CTNNA2: variants seen among roughly 807,000 people sequenced by gnomAD.
CTNNA2 encodes the protein catenin alpha 2.
A neutral mutation model predicts 101.0 loss-of-function variants in CTNNA2; 42 were observed. The ratio of observed to expected loss-of-function variants is 0.42; its 90% CI spans 0.32 to 0.54. CTNNA2 has a LOEUF of 0.54. CTNNA2 is among the 20% of genes least tolerant of loss of function. CTNNA2 has a pLI of 0.14. For synonymous variants in CTNNA2, 450 were observed against 456.4 expected (o/e 0.99, Z 0.18); for missense variants, 871 against 1,223.1 (o/e 0.71, Z 4.29).
chr2:79,956,781 A>G (rs1027376688), intron 7 of CTNNA2, among the ~76,000 whole-genome samples: 2 of 150,216 alleles, frequency 1.3e-5, no homozygotes, highest in Middle Eastern at 3.5e-3. Context: ...GAGTAATACA[A>G]TGTCTTATCC....
At chr2:79,725,988 C>A (rs566571588) in intron 2 of CTNNA2, among the ~76,000 whole-genome samples, 13 of 152,298 alleles carry the variant, frequency 8.5e-5, no homozygotes, top group African/African-American at 3.1e-4. Context: ...TGTCCAAATA[C>A]AGGGTGTGAG....
chr2:80,384,277 T>A (rs1489626644), intron 7 of CTNNA2, among the ~76,000 whole-genome samples: 1 of 152,102 alleles, frequency 6.6e-6, no homozygotes, highest in East Asian at 1.9e-4. Context: ...TCACAAAATA[T>A]CTGCACTGTT....
chr2:79,460,516 C>T (rs1487875167), intron 4 of CTNNA2, among the ~76,000 whole-genome samples: 1 of 152,168 alleles, frequency 6.6e-6, no homozygotes, highest in Non-Finnish European at 1.5e-5. Context: ...TAAAAATGTT[C>T]TCACTCTCTA....
chr2:79,435,323 C>T (rs2104513582), intron 4 of CTNNA2, among the ~76,000 whole-genome samples: 1 of 152,248 alleles, frequency 6.6e-6, no homozygotes, highest in African/African-American at 2.4e-5. Context: ...GTTCAGAGTG[C>T]AGAGCGTGCA....
At chr2:80,185,461 C>G (rs1706059907) in intron 7 of CTNNA2, among the ~76,000 whole-genome samples, 1 of 152,126 alleles carries the variant, frequency 6.6e-6, no homozygotes, top group African/African-American at 2.4e-5. Context: ...TGCAAAAAAG[C>G]ATGAATACCA....
intron 7 of CTNNA2, among the ~76,000 whole-genome samples, chr2:80,084,554 A>G (rs1237287502): frequency 6.6e-6 from 1 of 152,096 alleles, no homozygotes; most frequent in African/African-American, 2.4e-5. Context: ...TGTCAAAGAA[A>G]ACTTCGGGAA....
chr2:80,586,341 T>A (rs866722008), intron 14 of CTNNA2: 1 of 152,190 alleles, frequency 6.6e-6, no homozygotes, highest in African/African-American at 2.4e-5. Flanking sequence ...GACAATGAAA[T>A]GTGCATTGCT....
At chr2:79,756,544 G>A (rs576740443) in intron 3 of CTNNA2, among the ~76,000 whole-genome samples, 5 of 152,062 alleles carry the variant, frequency 3.3e-5, no homozygotes, top group South Asian at 4.2e-4. Flanking sequence ...ACAACCAAAA[G>A]CATGATTCAT....
At chr2:79,999,048 G>A (rs1226382367) in intron 7 of CTNNA2, among the ~76,000 whole-genome samples, 1 of 151,436 alleles carries the variant, frequency 6.6e-6, no homozygotes, top group Admixed American at 6.6e-5. Flanking sequence ...GCTCTAAAAA[G>A]CCAAATTGTT....
At chr2:79,986,994 G>A (rs190879313) in intron 7 of CTNNA2, among the ~76,000 whole-genome samples, 155 of 152,334 alleles carry the variant, frequency 1.0e-3, no homozygotes, top group Middle Eastern at 6.8e-3. Flanking sequence ...AGGTGGAAGT[G>A]TCTGGGGGTT....
chr2:79,536,529 A>C (rs1301641815), intron 1 of CTNNA2, among the ~76,000 whole-genome samples: 1 of 151,748 alleles, frequency 6.6e-6, no homozygotes, highest in African/African-American at 2.4e-5. Context: ...AAGGTTTTCT[A>C]AAGTTTCCTA....
At chr2:79,705,257 G>C (rs1272635102) in intron 2 of CTNNA2, among the ~76,000 whole-genome samples, 3 of 152,152 alleles carry the variant, frequency 2.0e-5, no homozygotes, top group Non-Finnish European at 4.4e-5. Context: ...AGTGGCTTTG[G>C]TTACTTGGAG....
At chr2:79,993,108 T>C (rs868808314) in intron 7 of CTNNA2, among the ~76,000 whole-genome samples, 8 of 152,316 alleles carry the variant, frequency 5.3e-5, no homozygotes, top group South Asian at 4.1e-4. Context: ...ACTCAAACTC[T>C]TGCATAATGT....
intron 7 of CTNNA2, among the ~76,000 whole-genome samples, chr2:80,054,870 C>T (rs1361741557): frequency 1.3e-5 from 2 of 152,084 alleles, no homozygotes; most frequent in East Asian, 3.9e-4. Flanking sequence ...AAACATGGCT[C>T]ACCTGAAATA....
intron 7 of CTNNA2, among the ~76,000 whole-genome samples, chr2:80,221,107 G>GCCTGACCTCAAGTGATCCACC (rs1708551329): frequency 6.6e-6 from 1 of 152,070 alleles, no homozygotes; most frequent in Non-Finnish European, 1.5e-5. Flanking sequence ...GGTCTCCAAC[G>GCCTGACCTCAAGTGATCCACC]CCTGACCTCA....
At chr2:79,258,219 AT>A (rs1351342858) in intron 2 of CTNNA2, among the ~76,000 whole-genome samples, 3 of 152,072 alleles carry the variant, frequency 2.0e-5, no homozygotes, top group African/African-American at 4.8e-5. Flanking sequence ...GCCAAGCAGA[AT>A]TTTTTTTCAT....
intron 3 of CTNNA2, among the ~76,000 whole-genome samples, chr2:79,319,508 A>C (rs1231852205): frequency 1.3e-5 from 2 of 151,990 alleles, no homozygotes; most frequent in South Asian, 4.1e-4. Flanking sequence ...ATCTTCATCC[A>C]CAGCAACCTC....
Position 79,233,469 on chromosome 2 carries a change from G to A in CTNNA2, c.-406+35393G>A, listed in dbSNP as rs1674520485. Among the ~76,000 whole-genome samples, 3 of 152,272 alleles carry A rather than the reference G, an allele frequency of 2.0e-5. No homozygotes were observed. In the South Asian group the frequency reaches 6.2e-4, roughly 32 times the overall value. On this transcript the variant is annotated intron_variant, in intron 2 of 21. Transcript: ENST00000466387. ...ATGTATTGAGACTTGCTTTATGTCT[G>A]AGCATATGGCAGGTCTTAGAATATA... is the stretch of plus-strand genomic sequence containing the variant.
chr2:79,655,105 T>C (rs1205602928), intron 2 of CTNNA2, among the ~76,000 whole-genome samples: 1 of 152,170 alleles, frequency 6.6e-6, no homozygotes, highest in African/African-American at 2.4e-5. Flanking sequence ...TCATCACAGA[T>C]AGCTTGAGAA....
Sources: gnomAD v4.1 joint callset for allele counts (sites outside exome capture counted in the v4.1 genomes callset) on GRCh38, gnomAD v4.1.1 for gene constraint, MANE v1.5 for transcripts, NCBI Gene and HGNC (gene_info 2026-07-23, HGNC 2026-07-21) for gene names.